TANK: variants seen among roughly 807,000 people sequenced by gnomAD.
The protein encoded by TANK is TRAF family member associated NFKB activator.
In TANK, 15 loss-of-function variants were observed where a neutral mutation model predicts 43.6. That is an observed-to-expected ratio of 0.34 (90% confidence interval 0.23 to 0.53). The LOEUF (loss-of-function observed/expected upper bound fraction) is 0.53. Among genes scored for constraint, TANK ranks in the 20% least tolerant of loss-of-function variants. TANK has a pLI of 0.94. For missense variants in TANK, 417 were observed against 498.6 expected (o/e 0.84, Z 1.56); for synonymous variants, 162 against 178.2 (o/e 0.91, Z 0.73).
chr2:161,177,890 G>A (rs1434563583), intron 1 of TANK, among the ~76,000 whole-genome samples: 1 of 152,106 alleles, frequency 6.6e-6, no homozygotes, highest in African/African-American at 2.4e-5. Flanking sequence ...TAAATTGCCA[G>A]AGTTACACAG....
chr2:161,224,909 T>C (rs569920783), intron 6 of TANK, among the ~76,000 whole-genome samples, 163 bp downstream of exon 6: 20 of 152,302 alleles, frequency 1.3e-4, no homozygotes, highest in Non-Finnish European at 4.4e-5. Context: ...AGTTCTGTAA[T>C]GTATTACATG....
At chr2:161,139,986 G>T in intron 1 of TANK, 1 of 911,550 alleles carries the variant, frequency 1.1e-6, no homozygotes. Flanking sequence ...AATTTGCTAA[G>T]AATTTTTAAT....
At chr2:161,166,380 A>G (rs1047076543) in intron 1 of TANK, among the ~76,000 whole-genome samples, 8 of 152,222 alleles carry the variant, frequency 5.3e-5, no homozygotes, top group African/African-American at 1.4e-4. Context: ...CTTGTGTTAT[A>G]TAACTCCTTA....
At chr2:161,160,511 G>C (rs543123540) in intron 1 of TANK, 25 bp downstream of exon 1, 27 of 1,267,554 alleles carry the variant, frequency 2.1e-5, no homozygotes, top group Non-Finnish European at 2.7e-5. Flanking sequence ...TTGTGAATTG[G>C]TGTGTCCGAA....
chr2:161,228,888 T>C (rs1687768027), intron 6 of TANK, among the ~76,000 whole-genome samples: 1 of 152,270 alleles, frequency 6.6e-6, no homozygotes, highest in Admixed American at 6.5e-5. Flanking sequence ...TATAGGTTTG[T>C]AGCCTAAGAA....
chr2:161,203,772 A>G (rs1428912974), intron 3 of TANK, among the ~76,000 whole-genome samples, 177 bp downstream of exon 3: 1 of 152,176 alleles, frequency 6.6e-6, no homozygotes, highest in African/African-American at 2.4e-5. Context: ...GGGAAAGTGG[A>G]CTTTCACATA....
chr2:161,149,592 C>T (rs759339932), intron 1 of TANK, among the ~76,000 whole-genome samples: 1 of 152,114 alleles, frequency 6.6e-6, no homozygotes, highest in Non-Finnish European at 1.5e-5. Context: ...TTTAGTATTT[C>T]ACCATTTGAT....
At chr2:161,160,345 T>C (rs1684353196), upstream of TANK, 10 of 990,860 alleles carry the variant, frequency 1.0e-5, no homozygotes, top group South Asian at 4.9e-5. Context: ...CCTGGCCTTG[T>C]TGGGTGGAGG....
intron 1 of TANK, among the ~76,000 whole-genome samples, chr2:161,148,023 C>A (rs1027773794): frequency 6.6e-6 from 1 of 152,048 alleles, no homozygotes; most frequent in Non-Finnish European, 1.5e-5. Context: ...GTTTTCAGTT[C>A]TTTTGGGTAT....
At chr2:161,170,724 T>G (rs1684905900) in intron 1 of TANK, among the ~76,000 whole-genome samples, 1 of 152,188 alleles carries the variant, frequency 6.6e-6, no homozygotes, top group African/African-American at 2.4e-5. Flanking sequence ...ACCAATGTCC[T>G]ACAGCCTGAC....
chr2:161,200,719 G>C (rs1358598082), intron 2 of TANK: 1 of 209,572 alleles, frequency 4.8e-6, no homozygotes, highest in Admixed American at 6.5e-5. Context: ...AGTGTTTCTA[G>C]AGAAATATAA....
At position 161,236,212 on chromosome 2, in the gene TANK, A is replaced by G. The variant is rs973442262; in HGVS notation, c.*694A>G. 3 of 105,586 alleles carry G rather than the reference A, an allele frequency of 2.8e-5. No individual in the cohort carries two copies. Among genetic ancestry groups the G allele is most frequent in the African/African-American group, 8.3e-5 (2 of 24,050 alleles). 6.5% of individuals were successfully genotyped at this position (105,586 alleles called of 1,614,324 possible). A position where few individuals can be genotyped will look rare whatever the true frequency, so the allele number is the denominator to read the frequency against. ...ATTTGTATGTCCTTTGTTCCTGAGT[A>G]AAAAAAAAAAAAAAAAAAGGGAAGG... On this transcript the variant is annotated 3_prime_UTR_variant, in exon 8 of 8. Transcript: ENST00000392749.
At chr2:161,178,921 A>G (rs553936722) in intron 1 of TANK, among the ~76,000 whole-genome samples, 1 of 152,232 alleles carries the variant, frequency 6.6e-6, no homozygotes, top group South Asian at 2.1e-4. Flanking sequence ...GAGCCAAGGA[A>G]TGTCGTTAAG....
intron 4 of TANK, chr2:161,208,019 A>G: frequency 1.3e-6 from 1 of 778,320 alleles, no homozygotes; most frequent in Non-Finnish European, 1.6e-6. Context: ...GCTTTGAACC[A>G]GTAACAGAAG....
chr2:161,209,351 T>C (rs934652525), intron 4 of TANK, among the ~76,000 whole-genome samples: 1 of 152,194 alleles, frequency 6.6e-6, no homozygotes, highest in Non-Finnish European at 1.5e-5. Context: ...CAGAACACCA[T>C]TTTCAGACAT....
chr2:161,230,901 A>G, intron 6 of TANK, 70 bp from the exon 7 acceptor site: 1 of 1,200,390 alleles, frequency 8.3e-7, no homozygotes, highest in South Asian at 1.3e-5. Context: ...AATCTCTCCA[A>G]AGCTGATTGA....
chr2:161,208,081 G>A, intron 4 of TANK: 1 of 906,680 alleles, frequency 1.1e-6, no homozygotes. Flanking sequence ...TTGGTGGGTG[G>A]TTTGAGGATT....
intron 1 of TANK, among the ~76,000 whole-genome samples, chr2:161,148,464 T>A (rs990440930): frequency 1.3e-5 from 2 of 152,224 alleles, no homozygotes; most frequent in African/African-American, 2.4e-5. Flanking sequence ...TATTTTCTCC[T>A]TTTCTATAGA....
At chr2:161,189,172 A>G (rs1369724308) in intron 2 of TANK, among the ~76,000 whole-genome samples, 1 of 152,248 alleles carries the variant, frequency 6.6e-6, no homozygotes, top group Non-Finnish European at 1.5e-5. Context: ...ACAGCATATT[A>G]AAAGAATTAC....
Sources: allele counts gnomAD v4.1 joint callset (sites outside exome capture counted in the v4.1 genomes callset), GRCh38; gene constraint gnomAD v4.1.1; transcripts MANE v1.5; gene names NCBI Gene and HGNC (gene_info 2026-07-23, HGNC 2026-07-21).